MET: variants seen among roughly 807,000 people sequenced by gnomAD.
The protein encoded by MET is MET proto-oncogene, receptor tyrosine kinase.
In MET, 48 loss-of-function variants were observed where a neutral mutation model predicts 133.1. The ratio of observed to expected loss-of-function variants is 0.36; its 90% CI spans 0.29 to 0.46. The LOEUF (loss-of-function observed/expected upper bound fraction) is 0.46, where lower values mean the gene tolerates loss of function less well. Among genes scored for constraint, MET ranks in the 20% least tolerant of loss-of-function variants. The pLI, the probability that MET is intolerant of heterozygous loss-of-function variation, is 1.00. For synonymous variants in MET, 628 were observed against 616.5 expected, an observed-to-expected ratio of 1.02 and a Z score of -0.28; for missense variants, 1,442 against 1,695.9, an observed-to-expected ratio of 0.85 and a Z score of 2.63.
intron 1 of MET, among the ~76,000 whole-genome samples, chr7:116,688,483 T>G (rs1796656203): frequency 6.6e-6 from 1 of 152,216 alleles, no homozygotes; most frequent in East Asian, 1.9e-4. Context: ...TGAAACATTT[T>G]TGTCTGACCT....
intron 10 of MET, among the ~76,000 whole-genome samples, chr7:116,762,254 C>T (rs1326883459): frequency 1.3e-5 from 2 of 152,152 alleles, no homozygotes; most frequent in African/African-American, 2.4e-5. Context: ...GGAGTGAAGA[C>T]ACTGAATTTT....
In MET at chr7:116,757,627, C is replaced by G. The variant is rs2116922731; in HGVS notation, c.1966-11C>G. 1 of 1,613,868 alleles carries G rather than the reference C, an allele frequency of 6.2e-7. No homozygotes were observed. Among genetic ancestry groups the G allele is most frequent in the South Asian group, 1.1e-5 (1 of 91,082 alleles). ...ACAAGTTACTTTGTTTTGTTTTTATCTCCCCTCCAGGATCCTGTAATAACA... is the reference window on the plus strand; with the variant it reads ...ACAAGTTACTTTGTTTTGTTTTTATGTCCCCTCCAGGATCCTGTAATAACA... On this transcript the variant is annotated splice_polypyrimidine_tract_variant and intron_variant, in intron 7 of 20. Coordinates refer to ENST00000397752, the MANE Select transcript of MET (RefSeq NM_000245.4).
chr7:116,694,982 C>T (rs1407801698), intron 1 of MET, among the ~76,000 whole-genome samples: 2 of 152,160 alleles, frequency 1.3e-5, no homozygotes, highest in African/African-American at 4.8e-5. Context: ...AAGGCTCCTT[C>T]AAAAAGCCTA....
Position 116,716,329 on chromosome 7 carries a change from GAGAGAGAGAA to G in MET, c.1201-15337_1201-15328del, listed in dbSNP as rs1174868885. 1.1e-4 allele frequency among the ~76,000 whole-genome samples: 15 copies of G among 132,232 alleles called. 1 individual carries two copies. Among genetic ancestry groups the G allele is most frequent in the African/African-American group, 4.6e-4 (15 of 32,398 alleles). 86.7% of individuals were successfully genotyped at this position (132,232 alleles called of 152,430 possible). A position where few individuals can be genotyped will look rare whatever the true frequency, so the allele number is the denominator to read the frequency against. ...AGAGAGAGAGAGAGAGAGAGAGAGAGAGAGAGAGAAAAGAAACGGAGAGAGAGGGAGGGAG... is the reference window on the plus strand; with the variant it reads ...AGAGAGAGAGAGAGAGAGAGAGAGAGAAGAAACGGAGAGAGAGGGAGGGAG... On this transcript the variant is annotated intron_variant, in intron 2 of 20. Coordinates refer to ENST00000397752, the MANE Select transcript of MET (RefSeq NM_000245.4).
intron 15 of MET, 144 bp downstream of exon 15, chr7:116,775,255 GAAATGTAGCCCTGT>G: frequency 1.3e-6 from 1 of 799,922 alleles, no homozygotes; most frequent in Non-Finnish European, 2.1e-6. Flanking sequence ...CTGTTCTATA[GAAATGTAGCCCTGT>G]AAATCATATC....
At chr7:116,697,446 G>C (rs745940688) in intron 1 of MET, among the ~76,000 whole-genome samples, 1 of 151,922 alleles carries the variant, frequency 6.6e-6, no homozygotes, top group Non-Finnish European at 1.5e-5. Context: ...ATTGTATGAC[G>C]GTCTAGCTCA....
intron 19 of MET, 36 bp from the exon 20 acceptor site, chr7:116,795,619 C>T (rs772324616): frequency 6.2e-7 from 1 of 1,608,516 alleles, no homozygotes; most frequent in East Asian, 2.2e-5. Flanking sequence ...ATGGTCACAT[C>T]TCTCACCTCA....
intron 1 of MET, among the ~76,000 whole-genome samples, chr7:116,692,653 A>T (rs1410974324): frequency 1.3e-5 from 2 of 152,236 alleles, no homozygotes; most frequent in South Asian, 2.1e-4. Context: ...GGTATTTGTA[A>T]CTATTAATAA....
chr7:116,744,070 G>C (rs1036242526), intron 5 of MET, among the ~76,000 whole-genome samples: 1 of 152,206 alleles, frequency 6.6e-6, no homozygotes, highest in Non-Finnish European at 1.5e-5. Context: ...ATAAATCCAT[G>C]AAGATGAGGA....
At chr7:116,678,298 A>G (rs762883310) in intron 1 of MET, among the ~76,000 whole-genome samples, 3 of 152,196 alleles carry the variant, frequency 2.0e-5, no homozygotes, top group Non-Finnish European at 2.9e-5. Context: ...ATAATAATAT[A>G]TCATGAAACA....
At chr7:116,766,413 C>T (rs1250876544) in intron 11 of MET, among the ~76,000 whole-genome samples, 1 of 152,096 alleles carries the variant, frequency 6.6e-6, no homozygotes, top group Non-Finnish European at 1.5e-5. Context: ...GCTGAGAGCT[C>T]AGGAGGAGGT....
At chr7:116,706,527 T>A (rs1461342072) in intron 2 of MET, among the ~76,000 whole-genome samples, 1 of 152,138 alleles carries the variant, frequency 6.6e-6, no homozygotes, top group Admixed American at 6.6e-5. Flanking sequence ...CCTCCTTGAG[T>A]AATAATGTAT....
chr7:116,777,461 C>T lies in MET; in HGVS notation c.3332C>T (p.Ser1111Phe). 1.2e-6 allele frequency: 2 copies of T among 1,613,716 alleles called. No individual in the cohort carries two copies. Among genetic ancestry groups the T allele is most frequent in the Non-Finnish European group, 1.7e-6 (2 of 1,179,766 alleles). The change falls in exon 16 of 21, where the codon TCC becomes TTC. Residue 1111 changes from serine (S) to phenylalanine (F), a missense_variant. Physicochemically the swap from Ser to Phe is radical, Grantham distance 155 (BLOSUM62 -2). This residue lies in a region of MET where 514 missense variants were observed against 659.6 expected (regional missense o/e 0.78). Coordinates refer to ENST00000397752, the MANE Select transcript of MET (RefSeq NM_000245.4). ...DGKKIHCAVK[S>F]LNRITDIGEV... ...AAGAAAATTCACTGTGCTGTGAAAT[C>T]CTTGAACAGTAAGTGGCATTTTATT...
chr7:116,718,381 C>A lies in MET; in HGVS notation c.1201-13287C>A, dbSNP rs573362356. ...CCAGCCTCGGCGACAGAGCTAGACT[C>A]CATCTCAAAATAAATAAATAAATAA... On this transcript the variant is annotated intron_variant, in intron 2 of 20. Transcript: ENST00000397752. 1.1e-4 allele frequency among the ~76,000 whole-genome samples: 17 copies of A among 151,690 alleles called. No homozygotes were observed. In the East Asian group the frequency reaches 3.3e-3, roughly 29 times the overall value.
At chr7:116,764,190 T>G (rs983187368) in intron 11 of MET, among the ~76,000 whole-genome samples, 1 of 152,210 alleles carries the variant, frequency 6.6e-6, no homozygotes, top group Non-Finnish European at 1.5e-5. Context: ...AAAATTTAAC[T>G]GCAGCCCAAC....
intron 8 of MET, 101 bp from the exon 9 acceptor site, chr7:116,758,358 T>G (rs1794268098): frequency 2.4e-6 from 3 of 1,258,862 alleles, no homozygotes; most frequent in Admixed American, 1.8e-5. Flanking sequence ...AAATTCCCAC[T>G]TAGGAACCAT....
intron 2 of MET, among the ~76,000 whole-genome samples, chr7:116,703,208 G>A (rs1484811726): frequency 6.6e-6 from 1 of 152,128 alleles, no homozygotes; most frequent in Non-Finnish European, 1.5e-5. Flanking sequence ...TGTTGACTAT[G>A]TCAGTTGTTC....
chr7:116,678,930 G>T (rs1796254115), intron 1 of MET, among the ~76,000 whole-genome samples: 1 of 152,050 alleles, frequency 6.6e-6, no homozygotes, highest in Non-Finnish European at 1.5e-5. Flanking sequence ...ATAGGAAGTT[G>T]GTTTTTGCTA....
intron 2 of MET, among the ~76,000 whole-genome samples, chr7:116,710,189 C>G (rs1791941350): frequency 6.6e-6 from 1 of 152,098 alleles, no homozygotes; most frequent in African/African-American, 2.4e-5. Context: ...GGTATTGATT[C>G]AAGTAGAGTT....
Sources: allele counts gnomAD v4.1 joint callset (sites outside exome capture counted in the v4.1 genomes callset), GRCh38; gene constraint gnomAD v4.1.1; regional missense constraint gnomAD v4.1.1; transcripts MANE v1.5; gene names NCBI Gene and HGNC (gene_info 2026-07-23, HGNC 2026-07-21).